The following ATF6 variants were observed in gnomAD, a reference collection of about 807,000 sequenced individuals.
The protein encoded by ATF6 is activating transcription factor 6.
In ATF6, 53 loss-of-function variants were observed where a neutral mutation model predicts 83.6. The observed-to-expected ratio is 0.63, with a 90% confidence interval of 0.51 to 0.80. The LOEUF is 0.80. Among genes scored for constraint, ATF6 ranks in the 30% least tolerant of loss-of-function variants. The pLI is 0.00. For synonymous variants in ATF6, 288 were observed against 285.8 expected (o/e 1.01, Z -0.08); for missense variants, 744 against 797.9 (o/e 0.93, Z 0.81).
Position 161,958,479 on chromosome 1 carries a change from T to A in ATF6, c.1838T>A (p.Met613Lys). Reference sequence around the variant, plus strand: ...ATCAATGGGCAGGACTACGAAGTGATGATGCAGATTGACTGTCAGGTGATG... The same window carrying A: ...ATCAATGGGCAGGACTACGAAGTGAAGATGCAGATTGACTGTCAGGTGATG... Reference protein sequence around the residue: ...NVINGQDYEVMMQIDCQVMDT... With the variant: ...NVINGQDYEVKMQIDCQVMDT... Residue 613 changes from methionine (M) to lysine (K), a missense_variant, in exon 16 of 16, where the codon ATG (methionine) becomes AAG (lysine). Physicochemically the swap from Met to Lys is moderately conservative, Grantham distance 95 (BLOSUM62 -1). Transcript: ENST00000367942. 6.2e-7 allele frequency: 1 copy of A among 1,612,530 alleles called. No individual in the cohort carries two copies. The highest frequency in any genetic ancestry group is 8.5e-7 in the Non-Finnish European group (1 of 1,179,074).
At chr1:161,832,124 CAGAT>C (rs1453249429) in intron 9 of ATF6, among the ~76,000 whole-genome samples, 2 of 151,320 alleles carry the variant, frequency 1.3e-5, no homozygotes, top group Non-Finnish European at 2.9e-5. Context: ...TTTGAATTAT[CAGAT>C]AGAGAATATA....
chr1:161,851,141 T>TAAAC (rs1553234824), intron 10 of ATF6, among the ~76,000 whole-genome samples: 1 of 135,874 alleles, frequency 7.4e-6, no homozygotes, highest in Non-Finnish European at 1.6e-5. Flanking sequence ...ATCCTTAACA[T>TAAAC]ACACACACAC....
At chr1:161,853,408 T>TG (rs1322992701) in intron 12 of ATF6, 85 bp downstream of exon 12, 1 of 892,346 alleles carries the variant, frequency 1.1e-6, no homozygotes, top group Non-Finnish European at 1.7e-6. Flanking sequence ...CCCTAGAAGG[T>TG]TGGTAAACTT....
intron 15 of ATF6, among the ~76,000 whole-genome samples, chr1:161,915,333 A>AAGAAGATATT (rs1688074720): frequency 6.6e-6 from 1 of 152,210 alleles, no homozygotes; most frequent in Non-Finnish European, 1.5e-5. Flanking sequence ...TCATCTGTAA[A>AAGAAGATATT]AGAAGATATT....
At chr1:161,849,119 A>C (rs1359835134) in intron 10 of ATF6, among the ~76,000 whole-genome samples, 1 of 152,138 alleles carries the variant, frequency 6.6e-6, no homozygotes, top group Non-Finnish European at 1.5e-5. Context: ...AATAATGCGT[A>C]TGTCATAGAT....
chr1:161,875,487 T>C (rs1687197201), intron 14 of ATF6, among the ~76,000 whole-genome samples: 2 of 151,838 alleles, frequency 1.3e-5, no homozygotes, highest in African/African-American at 4.8e-5. Flanking sequence ...TCACATTCTT[T>C]AATACTATCA....
At chr1:161,803,657 T>A (rs1194762479) in intron 7 of ATF6, among the ~76,000 whole-genome samples, 1 of 152,136 alleles carries the variant, frequency 6.6e-6, no homozygotes, top group Non-Finnish European at 1.5e-5. Flanking sequence ...TCTATCCTTT[T>A]GGTGCATGGA....
intron 15 of ATF6, among the ~76,000 whole-genome samples, chr1:161,913,186 T>C (rs1425775027): frequency 1.3e-5 from 2 of 152,184 alleles, no homozygotes. Flanking sequence ...TTTTCAAGTT[T>C]GTGTATCTCA....
intron 15 of ATF6, among the ~76,000 whole-genome samples, chr1:161,952,067 T>G (rs1484105529): frequency 6.6e-6 from 1 of 152,200 alleles, no homozygotes; most frequent in Non-Finnish European, 1.5e-5. Flanking sequence ...AATTATCTGA[T>G]GGAACCACAA....
At chr1:161,905,989 C>A (rs537310805) in intron 14 of ATF6, among the ~76,000 whole-genome samples, 2 of 152,080 alleles carry the variant, frequency 1.3e-5, no homozygotes, top group Non-Finnish European at 2.9e-5. Flanking sequence ...CCTGCCACCA[C>A]GCCTGGCTAA....
Position 161,821,109 on chromosome 1 carries a change from G to C in ATF6, c.1135G>C (p.Val379Leu). The C allele has an allele frequency of 6.2e-7, 1 of 1,613,258 alleles. No homozygotes were observed. The highest frequency in any genetic ancestry group is 2.2e-5 in the East Asian group (1 of 44,812). ...LKVPSPKRRV[V>L]CVMIVLAFII... ...AGTCCCTAGTCCAAAGCGAAGAGTTGTCTGTGTGATGATAGTATTGGCATT... is the reference window on the plus strand; with the variant it reads ...AGTCCCTAGTCCAAAGCGAAGAGTTCTCTGTGTGATGATAGTATTGGCATT... Residue 379 changes from valine to leucine, a missense_variant, in exon 9 of 16, where the codon GTC becomes CTC. Val to Leu is a conservative substitution (Grantham distance 32, BLOSUM62 1). Coordinates refer to ENST00000367942, the MANE Select transcript of ATF6 (RefSeq NM_007348.4).
intron 4 of ATF6, among the ~76,000 whole-genome samples, chr1:161,789,600 T>C (rs2101738260): frequency 6.6e-6 from 1 of 152,286 alleles, no homozygotes; most frequent in Non-Finnish European, 1.5e-5. Flanking sequence ...AAATTTCTTC[T>C]TTTAGTGTAA....
At chr1:161,850,361 G>T (rs900120767) in intron 10 of ATF6, among the ~76,000 whole-genome samples, 6 of 151,864 alleles carry the variant, frequency 4.0e-5, no homozygotes, top group Non-Finnish European at 8.8e-5. Flanking sequence ...TCCCCCACCT[G>T]CCTCTTTTAT....
At chr1:161,775,441 G>C (rs1167561211) in intron 1 of ATF6, among the ~76,000 whole-genome samples, 1 of 152,030 alleles carries the variant, frequency 6.6e-6, no homozygotes, top group Non-Finnish European at 1.5e-5. Context: ...CTATCATTCT[G>C]TCTATCATTC....
At chr1:161,835,114 G>A (rs888723921) in intron 9 of ATF6, among the ~76,000 whole-genome samples, 3 of 151,992 alleles carry the variant, frequency 2.0e-5, no homozygotes, top group Non-Finnish European at 4.4e-5. Context: ...TTGTTTTCCA[G>A]GCTGGAGTGC....
chr1:161,785,983 T>G (rs1161505295), intron 4 of ATF6, among the ~76,000 whole-genome samples: 1 of 152,036 alleles, frequency 6.6e-6, no homozygotes, highest in East Asian at 1.9e-4. Context: ...TTCTTTTTTT[T>G]TTTTTGGAGA....
intron 9 of ATF6, among the ~76,000 whole-genome samples, chr1:161,831,184 A>G (rs1686050488): frequency 6.6e-6 from 1 of 152,258 alleles, no homozygotes; most frequent in African/African-American, 2.4e-5. Flanking sequence ...GCCAAAAGAC[A>G]CATGAAAAAA....
chr1:161,766,761 C>T (rs981025113), intron 1 of ATF6, among the ~76,000 whole-genome samples: 1 of 152,186 alleles, frequency 6.6e-6, no homozygotes, highest in African/African-American at 2.4e-5. Context: ...ATGGCTGGGA[C>T]CGCCAAAAAG....
chr1:161,900,962 T>C (rs909119669), intron 14 of ATF6, among the ~76,000 whole-genome samples: 2 of 152,162 alleles, frequency 1.3e-5, no homozygotes, highest in Non-Finnish European at 2.9e-5. Context: ...AACATCATTA[T>C]GGTGTTATGT....
Sources: gnomAD v4.1 joint callset for allele counts (sites outside exome capture counted in the v4.1 genomes callset) on GRCh38, gnomAD v4.1.1 for gene constraint, MANE v1.5 for transcripts, NCBI Gene and HGNC (gene_info 2026-07-23, HGNC 2026-07-21) for gene names.